LOC122539214: variants seen among roughly 807,000 people sequenced by gnomAD.
At chr19:52,656,208 GTC>G in the LOC122539214 span, among the ~76,000 whole-genome samples, 39,945 of 144,120 alleles carry the variant, frequency 0.28, 6,337 homozygotes, top group East Asian at 0.47. Context: ...GTGAGACTCC[GTC>G]TCTCTCTCTC....
the LOC122539214 span, chr19:52,674,231 A>G: frequency 2.6e-5 from 4 of 152,262 alleles, no homozygotes; most frequent in East Asian, 5.8e-4. Flanking sequence ...AAGACTTAGG[A>G]CCATCCTGTC....
chr19:52,653,944 A>T, the LOC122539214 span: 1 of 1,167,160 alleles, frequency 8.6e-7, no homozygotes, highest in Non-Finnish European at 1.3e-6. Context: ...TTGTGTCAAT[A>T]ATGAAGAATG....
At chr19:52,680,243 A>G in the LOC122539214 span, among the ~76,000 whole-genome samples, 1 of 152,158 alleles carries the variant, frequency 6.6e-6, no homozygotes, top group Non-Finnish European at 1.5e-5. Flanking sequence ...AACCAGGCAG[A>G]GCCAAGATAG....
At chr19:52,668,647 A>G in the LOC122539214 span, among the ~76,000 whole-genome samples, 1 of 152,158 alleles carries the variant, frequency 6.6e-6, no homozygotes, top group Non-Finnish European at 1.5e-5. Flanking sequence ...GAAATAGGAG[A>G]CCTAAGGCAA....
At chr19:52,690,201 A>G in the LOC122539214 span, among the ~76,000 whole-genome samples, 2 of 150,366 alleles carry the variant, frequency 1.3e-5, no homozygotes, top group South Asian at 4.2e-4. Flanking sequence ...AAAAAAAACA[A>G]CAACAACTAC....
At chr19:52,660,151 A>G in the LOC122539214 span, among the ~76,000 whole-genome samples, 2 of 151,984 alleles carry the variant, frequency 1.3e-5, no homozygotes, top group Non-Finnish European at 2.9e-5. Flanking sequence ...GTAAGACCAC[A>G]GTAGTAAGCT....
the LOC122539214 span, among the ~76,000 whole-genome samples, chr19:52,675,306 C>A: frequency 0.11 from 16,528 of 152,202 alleles, 1,199 homozygotes; most frequent in Non-Finnish European, 0.15. Context: ...GATCCTAGGC[C>A]TGAAGGATCC....
the LOC122539214 span, chr19:52,650,487 C>A: frequency 6.6e-5 from 10 of 152,262 alleles, no homozygotes; most frequent in Admixed American, 2.0e-4. Context: ...GAACTCTCGA[C>A]CTCAGGTGAT....
At chr19:52,658,684 G>C in the LOC122539214 span, among the ~76,000 whole-genome samples, 1 of 152,150 alleles carries the variant, frequency 6.6e-6, no homozygotes, top group Admixed American at 6.5e-5. Flanking sequence ...GAAGGCACCC[G>C]GTTCTTACCT....
At chr19:52,689,868 C>T in the LOC122539214 span, among the ~76,000 whole-genome samples, 2 of 152,208 alleles carry the variant, frequency 1.3e-5, no homozygotes, top group African/African-American at 4.8e-5. Flanking sequence ...AAGAACACCC[C>T]GTGTCACAGG....
the LOC122539214 span, among the ~76,000 whole-genome samples, chr19:52,680,834 G>A: frequency 1.3e-5 from 2 of 150,202 alleles, no homozygotes; most frequent in East Asian, 2.0e-4. Flanking sequence ...GGATGGTCTC[G>A]ATCTCCTGAC....
chr19:52,653,430 G>T, the LOC122539214 span: 1 of 801,330 alleles, frequency 1.2e-6, no homozygotes, highest in Non-Finnish European at 2.1e-6. Flanking sequence ...CTCTGTTATG[G>T]CGTGAAAGGC....
the LOC122539214 span, chr19:52,653,059 T>C: frequency 1.2e-5 from 18 of 1,476,470 alleles, no homozygotes; most frequent in South Asian, 1.9e-4. Context: ...TTCATTACAC[T>C]TGTAAGGTTT....
At chr19:52,661,481 G>A in the LOC122539214 span, among the ~76,000 whole-genome samples, 1 of 152,110 alleles carries the variant, frequency 6.6e-6, no homozygotes, top group African/African-American at 2.4e-5. Flanking sequence ...TCAATATGGG[G>A]GAAACTGCCT....
At chr19:52,653,938 G>T in the LOC122539214 span, 1 of 1,127,242 alleles carries the variant, frequency 8.9e-7, no homozygotes, top group Non-Finnish European at 1.3e-6. Flanking sequence ...CTGGATTTGT[G>T]TCAATAATGA....
At chr19:52,653,921 G>A in the LOC122539214 span, 4 of 1,029,770 alleles carry the variant, frequency 3.9e-6, no homozygotes, top group Admixed American at 3.9e-5. Flanking sequence ...TCTCTCATGT[G>A]TTCTTCCTGG....
the LOC122539214 span, among the ~76,000 whole-genome samples, chr19:52,674,899 G>A: frequency 0.13 from 19,951 of 152,076 alleles, 1,357 homozygotes; most frequent in Middle Eastern, 0.16. Context: ...ACAAAAAACC[G>A]GCTGGGAAAA....
chr19:52,680,794 A>T, the LOC122539214 span, among the ~76,000 whole-genome samples: 1 of 147,492 alleles, frequency 6.8e-6, no homozygotes, highest in African/African-American at 2.6e-5. Context: ...TTGTATTTTT[A>T]GTAGAGACGG....
At chr19:52,662,794 T>C in the LOC122539214 span, among the ~76,000 whole-genome samples, 4 of 152,030 alleles carry the variant, frequency 2.6e-5, no homozygotes, top group African/African-American at 9.7e-5. Context: ...CTGAGTTGAG[T>C]CAGAAGGAGG....
Sources: gnomAD v4.1 joint callset for allele counts (sites outside exome capture counted in the v4.1 genomes callset) on GRCh38, gnomAD v4.1.1 for gene constraint, MANE v1.5 for transcripts.